GALNT13: variants seen among roughly 807,000 people sequenced by gnomAD.
GALNT13 encodes the protein polypeptide N-acetylgalactosaminyltransferase 13, also known as UDP-GalNAc:polypeptide N-acetylgalactosaminyltransferase 13.
In GALNT13, 28 loss-of-function variants were observed where a neutral mutation model predicts 64.2. The ratio of observed to expected loss-of-function variants is 0.44; its 90% CI spans 0.32 to 0.60. The LOEUF (loss-of-function observed/expected upper bound fraction) is 0.60, where lower values mean the gene tolerates loss of function less well. Among genes scored for constraint, GALNT13 ranks in the 20% least tolerant of loss-of-function variants. GALNT13 has a pLI of 0.05. For synonymous variants in GALNT13, 214 were observed against 224.6 expected (o/e 0.95, Z 0.42); for missense variants, 577 against 669.8 (o/e 0.86, Z 1.53).
chr2:154,326,378 T>C (rs1694875445), intron 9 of GALNT13, among the ~76,000 whole-genome samples: 2 of 151,150 alleles, frequency 1.3e-5, no homozygotes, highest in East Asian at 3.9e-4. Flanking sequence ...CAACAATAAA[T>C]AATATTTTAA....
chr2:154,175,585 T>C (rs187445068), intron 4 of GALNT13, among the ~76,000 whole-genome samples: 3 of 152,276 alleles, frequency 2.0e-5, no homozygotes, highest in Non-Finnish European at 4.4e-5. Context: ...TCTTAACCTT[T>C]AAATGCCACA....
chr2:153,723,560 G>A, the GALNT13 span, among the ~76,000 whole-genome samples: 216 of 151,372 alleles, frequency 1.4e-3, no homozygotes, highest in African/African-American at 5.0e-3. Flanking sequence ...AAACCCCATC[G>A]TCTCAGCCCA....
In GALNT13 at chr2:154,104,479, A is replaced by G. The variant is rs558487972; in HGVS notation, c.143-35858A>G. On this transcript the variant is annotated intron_variant, in intron 3 of 12. Coordinates refer to ENST00000392825, the MANE Select transcript of GALNT13 (RefSeq NM_052917.4). ...CAGTCATGCCAGCCTCCAGAGGGAA[A>G]AACCTTGGCTACATCCATAGCATGG... is the stretch of plus-strand genomic sequence containing the variant. Among the ~76,000 whole-genome samples, 155 of 152,274 alleles carry G rather than the reference A, an allele frequency of 1.0e-3. No homozygotes were observed. The Middle Eastern group carries it at 0.01, about 10-fold the overall frequency.
At chr2:153,696,306 T>C in the GALNT13 span, among the ~76,000 whole-genome samples, 4 of 152,180 alleles carry the variant, frequency 2.6e-5, no homozygotes, top group African/African-American at 9.6e-5. Context: ...TTAGCAAGTC[T>C]GTTCTTCCAT....
chr2:154,073,017 A>T (rs1461137260), intron 3 of GALNT13, among the ~76,000 whole-genome samples: 4 of 152,020 alleles, frequency 2.6e-5, no homozygotes, highest in Non-Finnish European at 5.9e-5. Context: ...AAAACTTTTT[A>T]AAAATAATAA....
At chr2:153,443,573 ACT>A in the GALNT13 span, among the ~76,000 whole-genome samples, 2 of 152,070 alleles carry the variant, frequency 1.3e-5, no homozygotes, top group Non-Finnish European at 2.9e-5. Flanking sequence ...TGTGCGGAGC[ACT>A]CTTCACTGTG....
chr2:154,214,545 G>A lies in GALNT13; in HGVS notation c.312-27485G>A, dbSNP rs1573891246. 2.0e-5 allele frequency among the ~76,000 whole-genome samples: 3 copies of A among 152,096 alleles called. No individual in the cohort carries two copies. In the South Asian group the frequency reaches 6.2e-4, roughly 32 times the overall value. On this transcript the variant is annotated intron_variant, in intron 4 of 12. Coordinates refer to ENST00000392825, the MANE Select transcript of GALNT13 (RefSeq NM_052917.4). ...TCCCCACGTGTTAAGGGTGGGATCA[G>A]GTGGAGATAATTGAATCATGGAGGT...
At chr2:153,307,419 C>T in the GALNT13 span, among the ~76,000 whole-genome samples, 1 of 151,664 alleles carries the variant, frequency 6.6e-6, no homozygotes, top group East Asian at 1.9e-4. Flanking sequence ...GCCTAAATAC[C>T]TAACAATTGC....
chr2:153,478,134 C>G, the GALNT13 span: 1 of 863,586 alleles, frequency 1.2e-6, no homozygotes, highest in Non-Finnish European at 1.8e-6. Flanking sequence ...AAATAATTGA[C>G]TCCGACAGGT....
the GALNT13 span, among the ~76,000 whole-genome samples, chr2:153,737,457 T>A: frequency 3.3e-5 from 5 of 152,156 alleles, no homozygotes; most frequent in African/African-American, 1.2e-4. Flanking sequence ...ATGTTATTTT[T>A]AAAATAAAGC....
At chr2:153,815,990 T>G in the GALNT13 span, among the ~76,000 whole-genome samples, 1 of 152,216 alleles carries the variant, frequency 6.6e-6, no homozygotes, top group East Asian at 1.9e-4. Flanking sequence ...AGTTTCTCAA[T>G]TCACTCACTC....
At chr2:153,862,646 C>T in the GALNT13 span, among the ~76,000 whole-genome samples, 88 of 151,810 alleles carry the variant, frequency 5.8e-4, no homozygotes, top group African/African-American at 2.0e-3. Context: ...TAATACTATT[C>T]TTATTTTACT....
chr2:154,020,775 C>G (rs1697405385), intron 3 of GALNT13, among the ~76,000 whole-genome samples: 1 of 151,628 alleles, frequency 6.6e-6, no homozygotes, highest in Non-Finnish European at 1.5e-5. Flanking sequence ...AGTCCTTGCC[C>G]ATGCCTATGT....
chr2:154,366,192 T>TA (rs754341158), intron 9 of GALNT13, among the ~76,000 whole-genome samples: 14 of 152,246 alleles, frequency 9.2e-5, no homozygotes, highest in Admixed American at 6.5e-4. Flanking sequence ...TCCTTACCCC[T>TA]AAAAAATGTC....
At chr2:154,105,201 G>A (rs1292666494) in intron 3 of GALNT13, among the ~76,000 whole-genome samples, 4 of 151,766 alleles carry the variant, frequency 2.6e-5, no homozygotes, top group Non-Finnish European at 4.4e-5. Context: ...TTCCAGTAGG[G>A]CCGTGATTGT....
At chr2:153,880,258 C>T (rs996881368) in intron 1 of GALNT13, among the ~76,000 whole-genome samples, 10 of 152,158 alleles carry the variant, frequency 6.6e-5, no homozygotes, top group South Asian at 2.1e-4. Context: ...TTTATAATCA[C>T]TTGTGAAAAC....
the GALNT13 span, among the ~76,000 whole-genome samples, chr2:153,601,104 A>G: frequency 7.2e-5 from 11 of 151,840 alleles, no homozygotes; most frequent in African/African-American, 2.7e-4. Flanking sequence ...AGAAAAATAA[A>G]TGTTTACCAC....
the GALNT13 span, among the ~76,000 whole-genome samples, chr2:153,522,961 G>T: frequency 6.6e-6 from 1 of 151,208 alleles, no homozygotes; most frequent in East Asian, 1.9e-4. Flanking sequence ...CTCTTCAAAG[G>T]TTGACAGTTT....
the GALNT13 span, among the ~76,000 whole-genome samples, chr2:153,086,303 GT>G: frequency 6.6e-6 from 1 of 152,156 alleles, no homozygotes; most frequent in Admixed American, 6.6e-5. Flanking sequence ...GGCATGATTG[GT>G]TTTGAAATGT....
Sources: gnomAD v4.1 joint callset for allele counts (sites outside exome capture counted in the v4.1 genomes callset) on GRCh38, gnomAD v4.1.1 for gene constraint, MANE v1.5 for transcripts, NCBI Gene and HGNC (gene_info 2026-07-23, HGNC 2026-07-21) for gene names.